Variants in LIPC observed in about 807,000 individuals in gnomAD.
LIPC encodes hepatic triacylglycerol lipase.
Under a neutral mutation model 50.7 loss-of-function variants are expected in LIPC, and 44 were observed. That is an observed-to-expected ratio of 0.87 (90% CI 0.68 to 1.11). The LOEUF (loss-of-function observed/expected upper bound fraction) is 1.11, where lower values mean the gene tolerates loss of function less well. Ranked by LOEUF, LIPC falls within the 50% of genes most tolerant of loss-of-function variation. The pLI, the probability that LIPC is intolerant of heterozygous loss-of-function variation, is 0.00. For missense variants in LIPC, 697 were observed against 648.2 expected (o/e 1.08, Z -0.82); for synonymous variants, 271 against 256.4 (o/e 1.06, Z -0.54).
chr15:58,474,021 C>T (rs1406063212), intron 1 of LIPC: 1 of 152,246 alleles, frequency 6.6e-6, no homozygotes, highest in African/African-American at 2.4e-5. Context: ...ACATCAGGTA[C>T]ATGTGCCCAC....
chr15:58,517,118 C>T (rs1429086789), intron 1 of LIPC, among the ~76,000 whole-genome samples: 3 of 152,238 alleles, frequency 2.0e-5, no homozygotes, highest in Non-Finnish European at 4.4e-5. Context: ...ACAAAATATC[C>T]ATGTCCCACA....
intron 1 of LIPC, among the ~76,000 whole-genome samples, chr15:58,460,572 C>T (rs1394020820): frequency 8.5e-5 from 13 of 152,226 alleles, no homozygotes; most frequent in African/African-American, 2.2e-4. Flanking sequence ...CTTAGAATAA[C>T]GCTGCTCTCC....
intron 1 of LIPC, among the ~76,000 whole-genome samples, chr15:58,504,298 G>C (rs1286033973): frequency 6.6e-6 from 1 of 152,170 alleles, no homozygotes; most frequent in Non-Finnish European, 1.5e-5. Flanking sequence ...GCAGCCCAGG[G>C]CAGAAGTGAT....
At chr15:58,449,164 C>T (rs549530873) in intron 1 of LIPC, among the ~76,000 whole-genome samples, 39 of 152,296 alleles carry the variant, frequency 2.6e-4, no homozygotes, top group Admixed American at 2.0e-4. Context: ...GCTACTCAGA[C>T]GCCAGTCTGC....
intron 1 of LIPC, among the ~76,000 whole-genome samples, chr15:58,504,146 G>T (rs1322489673): frequency 6.6e-6 from 1 of 152,162 alleles, no homozygotes; most frequent in Non-Finnish European, 1.5e-5. Context: ...GGGCACCCTG[G>T]CTGGAGTGAA....
Position 58,436,528 on chromosome 15 carries a change from G to A in LIPC, c.88+4408G>A. ...TGTTCACTGCTTTATAACTAAAGAA[G>A]AAATCGAGAAAGTAGTGATGATTGC... On this transcript the variant is annotated intron_variant, in intron 1 of 8. Transcript: ENST00000299022. 7.1e-6 allele frequency: 2 copies of A among 280,986 alleles called. 1 individual carries two copies. Among genetic ancestry groups the A allele is most frequent in the Middle Eastern group, 2.7e-3 (2 of 744 alleles). The allele number at this position is 280,986 out of a possible 1,614,324, so 17.4% of individuals were successfully genotyped here.
chr15:58,558,810 C>T (rs1384415097), intron 6 of LIPC, among the ~76,000 whole-genome samples: 1 of 152,174 alleles, frequency 6.6e-6, no homozygotes, highest in Non-Finnish European at 1.5e-5. Flanking sequence ...ACTACCTGAG[C>T]TAGCTCTTAT....
chr15:58,563,474 G>A, intron 7 of LIPC, 31 bp from the exon 8 acceptor site: 1 of 1,561,758 alleles, frequency 6.4e-7, no homozygotes, highest in Non-Finnish European at 8.8e-7. Context: ...CGACTAAACT[G>A]ATTGTGTCTG....
intron 1 of LIPC, among the ~76,000 whole-genome samples, chr15:58,537,539 C>G (rs1346705397): frequency 6.6e-6 from 1 of 152,202 alleles, no homozygotes; most frequent in African/African-American, 2.4e-5. Flanking sequence ...CTTCAGCATC[C>G]CAGGGCCCTC....
chr15:58,496,419 C>T (rs1434323437), intron 1 of LIPC, among the ~76,000 whole-genome samples: 1 of 152,044 alleles, frequency 6.6e-6, no homozygotes, highest in East Asian at 1.9e-4. Flanking sequence ...TCTTATTCAT[C>T]CTTGGCTCCA....
At chr15:58,538,220 C>A in intron 1 of LIPC, 113 bp from the exon 2 acceptor site, 1 of 1,012,304 alleles carries the variant, frequency 9.9e-7, no homozygotes. Flanking sequence ...TGATCTCCAG[C>A]ATCTCCCAGT....
chr15:58,536,980 T>C (rs1893143821), intron 1 of LIPC, among the ~76,000 whole-genome samples: 1 of 152,164 alleles, frequency 6.6e-6, no homozygotes, highest in Admixed American at 6.5e-5. Flanking sequence ...CCTGAATGAT[T>C]TTATTCTCAG....
intron 1 of LIPC, among the ~76,000 whole-genome samples, chr15:58,469,922 A>C: frequency 7.2e-6 from 1 of 139,034 alleles, no homozygotes; most frequent in East Asian, 2.1e-4. Flanking sequence ...CACCTTCCTC[A>C]TCTTCATGGA....
At chr15:58,538,042 C>T (rs1893193768) in intron 1 of LIPC, among the ~76,000 whole-genome samples, 1 of 152,182 alleles carries the variant, frequency 6.6e-6, no homozygotes, top group Admixed American at 6.5e-5. Flanking sequence ...CCAAAACTGC[C>T]TTGCCTATAT....
At chr15:58,485,348 G>GTCAA (rs1197579620) in intron 1 of LIPC, among the ~76,000 whole-genome samples, 2 of 152,170 alleles carry the variant, frequency 1.3e-5, no homozygotes, top group African/African-American at 4.8e-5. Flanking sequence ...AGAGGGAGGA[G>GTCAA]TCAATGGTGG....
intron 1 of LIPC, among the ~76,000 whole-genome samples, chr15:58,500,322 C>T (rs1032526328): frequency 3.3e-5 from 5 of 152,126 alleles, no homozygotes; most frequent in South Asian, 4.1e-4. Flanking sequence ...GAGATGTAAG[C>T]GCCCAACAGA....
intron 1 of LIPC, among the ~76,000 whole-genome samples, chr15:58,536,795 G>A (rs1893138401): frequency 6.6e-6 from 1 of 152,124 alleles, no homozygotes. Flanking sequence ...ATTTCATTCT[G>A]TCTTCATAGT....
At chr15:58,550,420 C>T (rs939318054) in intron 6 of LIPC, among the ~76,000 whole-genome samples, 3 of 152,174 alleles carry the variant, frequency 2.0e-5, no homozygotes, top group Admixed American at 2.0e-4. Context: ...ATGAACCAGG[C>T]TGAGCTTCTC....
intron 1 of LIPC, among the ~76,000 whole-genome samples, chr15:58,488,071 G>A (rs1390485735): frequency 6.6e-6 from 1 of 152,214 alleles, no homozygotes; most frequent in Non-Finnish European, 1.5e-5. Context: ...AGGAGGTCAA[G>A]GCCAGTCTGG....
Sources: allele counts gnomAD v4.1 joint callset (sites outside exome capture counted in the v4.1 genomes callset), GRCh38; gene constraint gnomAD v4.1.1; transcripts MANE v1.5; gene names NCBI Gene and HGNC (gene_info 2026-07-23, HGNC 2026-07-21).